SNX14: variants seen among roughly 807,000 people sequenced by gnomAD.
The protein encoded by SNX14 is sorting nexin-14.
Under a neutral mutation model 133.8 loss-of-function variants are expected in SNX14, and 93 were observed. The ratio of observed to expected loss-of-function variants is 0.70; its 90% confidence interval spans 0.59 to 0.83. SNX14 has a LOEUF of 0.83. Among genes scored for constraint, SNX14 ranks in the 40% least tolerant of loss-of-function variants. The pLI is 0.00. For missense variants in SNX14, 945 were observed against 1,094.9 expected (o/e 0.86, Z 1.93); for synonymous variants, 368 against 365.6 (o/e 1.01, Z -0.07).
At chr6:85,575,764 G>A (rs538889861) in intron 1 of SNX14, among the ~76,000 whole-genome samples, 16 of 152,302 alleles carry the variant, frequency 1.1e-4, no homozygotes, top group African/African-American at 3.6e-4. Context: ...GGATGAAAAT[G>A]TCCCAGAAGA....
At chr6:85,580,106 G>A (rs1798582252) in intron 1 of SNX14, among the ~76,000 whole-genome samples, 1 of 152,150 alleles carries the variant, frequency 6.6e-6, no homozygotes, top group African/African-American at 2.4e-5. Context: ...GGAGAGGAGA[G>A]GGGAAAGTAA....
chr6:85,537,956 C>T (rs1379642592), intron 16 of SNX14, among the ~76,000 whole-genome samples: 1 of 151,976 alleles, frequency 6.6e-6, no homozygotes, highest in Non-Finnish European at 1.5e-5. Context: ...AATAAAGTCA[C>T]GTTCACTATG....
chr6:85,559,566 T>C (rs1790861565), intron 6 of SNX14, among the ~76,000 whole-genome samples: 1 of 152,178 alleles, frequency 6.6e-6, no homozygotes, highest in Admixed American at 6.5e-5. Context: ...GAACAGAACA[T>C]TGTAGAAGGA....
intron 1 of SNX14, among the ~76,000 whole-genome samples, chr6:85,575,771 A>T (rs1305622863): frequency 6.6e-6 from 1 of 152,242 alleles, no homozygotes; most frequent in Non-Finnish European, 1.5e-5. Context: ...AATGTCCCAG[A>T]AGAAGTGACA....
intron 1 of SNX14, among the ~76,000 whole-genome samples, chr6:85,574,585 G>T (rs1367132606): frequency 6.6e-6 from 1 of 152,088 alleles, no homozygotes; most frequent in Admixed American, 6.5e-5. Context: ...AAAGGATAAG[G>T]AAGCATAAAT....
intron 1 of SNX14, chr6:85,589,129 AAAG>A (rs1436696278): frequency 4.2e-6 from 1 of 239,794 alleles, no homozygotes; most frequent in Non-Finnish European, 8.6e-6. Flanking sequence ...TGCCAGTATC[AAAG>A]AAGGGTCCAT....
intron 18 of SNX14, among the ~76,000 whole-genome samples, chr6:85,530,764 C>G (rs1780031789): frequency 6.6e-6 from 1 of 151,972 alleles, no homozygotes; most frequent in Admixed American, 6.6e-5. Context: ...ATTTTAGTTA[C>G]CTAGAAGTGA....
In SNX14 at chr6:85,516,186, A is replaced by C. The variant is rs1029924077; in HGVS notation, c.2269-1557T>G. ...AGCACAATTTCATCTGCTGCAAAAC[A>C]CTCCTTGAATAGATGTTCCTTAAAA... is the stretch of plus-strand genomic sequence containing the variant. On this transcript the variant is annotated intron_variant, in intron 23 of 28. Coordinates refer to ENST00000314673, the MANE Select transcript of SNX14 (RefSeq NM_153816.6). Among the ~76,000 whole-genome samples, 35 of 152,230 alleles carry C rather than the reference A, an allele frequency of 2.3e-4. 1 individual carries two copies. The highest frequency in any genetic ancestry group is 6.8e-3 in the Middle Eastern group (2 of 294).
intron 18 of SNX14, among the ~76,000 whole-genome samples, chr6:85,531,789 G>T (rs1039237781): frequency 1.3e-5 from 2 of 152,168 alleles, no homozygotes; most frequent in African/African-American, 4.8e-5. Context: ...ACTCTAGGAG[G>T]CCAAGGCAGG....
In SNX14 at chr6:85,571,782, T is replaced by C. The variant is rs866536617; in HGVS notation, c.417+355A>G. ...CCTTCAGTTAGTGTCAAAACTGGGGTCATAATTCAGTAAGCTATATATTGA... is the reference window on the plus strand; with the variant it reads ...CCTTCAGTTAGTGTCAAAACTGGGGCCATAATTCAGTAAGCTATATATTGA... On this transcript the variant is annotated intron_variant, in intron 4 of 28. Transcript: ENST00000314673. 7.9e-5 allele frequency among the ~76,000 whole-genome samples: 12 copies of C among 152,230 alleles called. No homozygotes were observed. In the Middle Eastern group the frequency reaches 0.017, roughly 216 times the overall value.
chr6:85,528,083 T>C (rs1779059566), intron 20 of SNX14, among the ~76,000 whole-genome samples, 179 bp downstream of exon 20: 1 of 151,958 alleles, frequency 6.6e-6, no homozygotes, highest in Admixed American at 6.6e-5. Flanking sequence ...GGAGGGAGGG[T>C]AAGTAATATA....
chr6:85,520,842 T>C (rs1287744622), intron 21 of SNX14, among the ~76,000 whole-genome samples: 3 of 152,248 alleles, frequency 2.0e-5, no homozygotes, highest in African/African-American at 4.8e-5. Flanking sequence ...GTTATGACTT[T>C]ACCACAGTTT....
In SNX14 at chr6:85,592,741, G is replaced by A. The variant is rs372994321; in HGVS notation, c.140+838C>T. On this transcript the variant is annotated intron_variant, in intron 1 of 28. Coordinates refer to ENST00000314673, the MANE Select transcript of SNX14 (RefSeq NM_153816.6). Reference sequence around the variant, plus strand: ...GCGGTGGCTCACGCCTGTAATCCCAGCACTTCGGGAGGCCGAGGCAGGCGG... The same window carrying A: ...GCGGTGGCTCACGCCTGTAATCCCAACACTTCGGGAGGCCGAGGCAGGCGG... Among the ~76,000 whole-genome samples the A allele has an allele frequency of 1.5e-4, 22 of 151,624 alleles. 2 individuals carry two copies. Among genetic ancestry groups the A allele is most frequent in the African/African-American group, 4.6e-4 (19 of 41,282 alleles).
intron 28 of SNX14, among the ~76,000 whole-genome samples, chr6:85,506,473 A>C (rs1442542154): frequency 6.6e-6 from 1 of 152,030 alleles, no homozygotes. Flanking sequence ...CTTGCCACCA[A>C]ACCGAGATAA....
rs1290768267 is a variant in SNX14, at chr6:85,552,126, TC to T, written c.635-2248del. On this transcript the variant is annotated intron_variant, in intron 7 of 28. Transcript: ENST00000314673. ...ATCTCGGCTCACTGCAAGCTCCGCC[TC>T]CCGGGTTCACGCCATTCTCCTGCCT... Among the ~76,000 whole-genome samples, 13 of 137,714 alleles carry T rather than the reference TC, an allele frequency of 9.4e-5. 1 individual carries two copies. The highest frequency in any genetic ancestry group is 7.4e-4 in the South Asian group (3 of 4,078). The allele number at this position is 137,714 out of a possible 152,430, so 90.3% of individuals were successfully genotyped here.
intron 17 of SNX14, among the ~76,000 whole-genome samples, chr6:85,534,746 G>A (rs556960632): frequency 6.6e-6 from 1 of 151,174 alleles, no homozygotes; most frequent in African/African-American, 2.4e-5. Context: ...ATAATAACAC[G>A]GTTAAATACT....
At chr6:85,556,620 AT>A in intron 7 of SNX14, among the ~76,000 whole-genome samples, 1 of 151,764 alleles carries the variant, frequency 6.6e-6, no homozygotes, top group Non-Finnish European at 1.5e-5. Context: ...CACCTGGCTA[AT>A]TTTTGTATTT....
At chr6:85,545,874 G>T (rs1194322117) in intron 12 of SNX14, among the ~76,000 whole-genome samples, 1 of 152,106 alleles carries the variant, frequency 6.6e-6, no homozygotes, top group East Asian at 1.9e-4. Flanking sequence ...GTCGAGACAG[G>T]GTTTCACTAT....
intron 7 of SNX14, among the ~76,000 whole-genome samples, chr6:85,550,776 G>A (rs1417452150): frequency 1.3e-5 from 2 of 151,712 alleles, no homozygotes; most frequent in African/African-American, 4.8e-5. Context: ...TGGGATTATA[G>A]GCCTCAAAAT....
Sources: allele counts gnomAD v4.1 joint callset (sites outside exome capture counted in the v4.1 genomes callset), GRCh38; gene constraint gnomAD v4.1.1; transcripts MANE v1.5; gene names NCBI Gene and HGNC (gene_info 2026-07-23, HGNC 2026-07-21).